Variants in DYNC2LI1 observed in about 807,000 individuals in gnomAD.
DYNC2LI1 encodes dynein cytoplasmic 2 light intermediate chain 1.
A neutral mutation model predicts 51.9 loss-of-function variants in DYNC2LI1; 45 were observed. The ratio of observed to expected loss-of-function variants is 0.87; its 90% CI spans 0.68 to 1.11. The LOEUF is 1.11. DYNC2LI1 is among the 50% of genes most tolerant of loss of function. The pLI is 0.00. For synonymous variants in DYNC2LI1, 130 were observed against 137.8 expected, an observed-to-expected ratio of 0.94 and a Z score of 0.40; for missense variants, 490 against 417.4, an observed-to-expected ratio of 1.17 and a Z score of -1.51.
At chr2:43,810,772 A>C (rs1281756856), downstream of DYNC2LI1, among the ~76,000 whole-genome samples, 4 of 152,332 alleles carry the variant, frequency 2.6e-5, no homozygotes, top group East Asian at 5.8e-4. Flanking sequence ...AGTCTTTAGC[A>C]CACGTTTCTT....
chr2:43,792,238 TA>T (rs1266588234), intron 5 of DYNC2LI1, among the ~76,000 whole-genome samples: 3 of 152,112 alleles, frequency 2.0e-5, no homozygotes, highest in Non-Finnish European at 1.5e-5. Context: ...ATTTGATAAT[TA>T]ATGTGTAAAA....
chr2:43,796,036 T>C, intron 7 of DYNC2LI1, 78 bp downstream of exon 7: 1 of 998,606 alleles, frequency 1.0e-6, no homozygotes, highest in Non-Finnish European at 1.5e-6. Context: ...AAAAATAATA[T>C]CAAAATAAGA....
the DYNC2LI1 span, among the ~76,000 whole-genome samples, chr2:43,819,656 A>G: frequency 1.3e-5 from 2 of 152,172 alleles, no homozygotes; most frequent in East Asian, 1.9e-4. Flanking sequence ...TTCTCTTGGT[A>G]TAATGGTTTA....
intron 5 of DYNC2LI1, among the ~76,000 whole-genome samples, chr2:43,791,271 T>A (rs896247580): frequency 1.3e-5 from 2 of 152,052 alleles, no homozygotes; most frequent in Non-Finnish European, 2.9e-5. Flanking sequence ...CCAGTTACAG[T>A]GGCCAGAGGC....
intron 8 of DYNC2LI1, among the ~76,000 whole-genome samples, chr2:43,798,056 G>C (rs955701099): frequency 1.3e-5 from 2 of 151,954 alleles, no homozygotes; most frequent in African/African-American, 4.8e-5. Flanking sequence ...GAGCTCAGGA[G>C]GTCAAGGCTG....
the DYNC2LI1 span, among the ~76,000 whole-genome samples, chr2:43,817,123 C>T: frequency 6.6e-6 from 1 of 152,116 alleles, no homozygotes; most frequent in Non-Finnish European, 1.5e-5. Flanking sequence ...CATATGAAGC[C>T]TTGGGTTGTT....
chr2:43,787,066 G>A, intron 3 of DYNC2LI1, 115 bp from the exon 4 acceptor site: 1 of 722,250 alleles, frequency 1.4e-6, no homozygotes. Flanking sequence ...ATTATACAAG[G>A]TAACTTCTCT....
At chr2:43,824,938 A>T in the DYNC2LI1 span, 4 of 1,614,116 alleles carry the variant, frequency 2.5e-6, no homozygotes, top group Non-Finnish European at 3.4e-6. Context: ...AACCGCAGTC[A>T]TTGAAGAAAT....
In DYNC2LI1 at chr2:43,794,661, A is replaced by T; in HGVS notation, c.507+18A>T. ...ATCATCCTGTGAGTTGCTGTTTGGG[A>T]TTATTACTGGAATCCTTAGTCCCAT... On this transcript the variant is annotated intron_variant, in intron 6 of 12. Transcript: ENST00000260605. The T allele has an allele frequency of 6.2e-7, 1 of 1,614,070 alleles. No individual in the cohort carries two copies. The highest frequency in any genetic ancestry group is 1.1e-5 in the South Asian group (1 of 91,074).
chr2:43,775,915 G>T (rs1672997044), intron 1 of DYNC2LI1: 1 of 169,250 alleles, frequency 5.9e-6, no homozygotes, highest in African/African-American at 2.8e-5. Context: ...ATGTTGGCCA[G>T]GCTGGTCTTG....
intron 4 of DYNC2LI1, among the ~76,000 whole-genome samples, chr2:43,789,323 A>G (rs932007091): frequency 1.3e-5 from 2 of 152,244 alleles, no homozygotes; most frequent in Admixed American, 1.3e-4. Flanking sequence ...ATTTTTATCT[A>G]AAATCTGCAT....
chr2:43,812,313 G>A (rs1027425009), downstream of DYNC2LI1, among the ~76,000 whole-genome samples: 1 of 116,324 alleles, frequency 8.6e-6, no homozygotes, highest in African/African-American at 3.4e-5. Context: ...AAGTTTACTT[G>A]TAATTCTTTT....
Position 43,804,476 on chromosome 2 carries a change from G to C in DYNC2LI1, c.803-166G>C, listed in dbSNP as rs368994602. Among the ~76,000 whole-genome samples the C allele has an allele frequency of 2.0e-5, 3 of 152,310 alleles. No individual in the cohort carries two copies. In the East Asian group the frequency reaches 5.8e-4, roughly 29 times the overall value. On this transcript the variant is annotated intron_variant, in intron 10 of 12. Coordinates refer to ENST00000260605, the MANE Select transcript of DYNC2LI1 (RefSeq NM_016008.4). ...TCTTTCAGTACTAGAATCTGTCCCA[G>C]TGACCTTGCTATGCTGGGTAGGGTA...
the DYNC2LI1 span, chr2:43,822,693 C>A: frequency 1.3e-6 from 2 of 1,572,366 alleles, no homozygotes; most frequent in Non-Finnish European, 1.7e-6. Flanking sequence ...AAGTGTAGAT[C>A]CTCCAGAGCA....
At chr2:43,811,031 T>G (rs2104733245), downstream of DYNC2LI1, among the ~76,000 whole-genome samples, 1 of 152,362 alleles carries the variant, frequency 6.6e-6, no homozygotes, top group Middle Eastern at 3.4e-3. Flanking sequence ...TCACGTGTGA[T>G]GTCAGTTTTC....
chr2:43,791,183 T>C (rs148265983), intron 5 of DYNC2LI1, among the ~76,000 whole-genome samples: 229 of 152,288 alleles, frequency 1.5e-3, no homozygotes, highest in African/African-American at 5.2e-3. Flanking sequence ...ATCATACCAC[T>C]GTACTCCAGC....
At position 43,776,713 on chromosome 2, in the gene DYNC2LI1, C is replaced by T. The variant is rs924373577; in HGVS notation, c.9-69C>T. ...TAAATTATACTGAAATAAAATTTCTCTGAGCTTGAAATAAATATTTGAAAG... is the reference window on the plus strand; with the variant it reads ...TAAATTATACTGAAATAAAATTTCTTTGAGCTTGAAATAAATATTTGAAAG... On this transcript the variant is annotated intron_variant, in intron 1 of 12. Coordinates refer to ENST00000260605, the MANE Select transcript of DYNC2LI1 (RefSeq NM_016008.4). 29 of 723,856 alleles carry T rather than the reference C, an allele frequency of 4.0e-5. No individual in the cohort carries two copies. In the African/African-American group the frequency reaches 4.8e-4, roughly 12 times the overall value. The allele number at this position is 723,856 out of a possible 1,614,324, so 44.8% of individuals were successfully genotyped here.
chr2:43,810,257 C>G (rs116520905), downstream of DYNC2LI1: 33,723 of 668,296 alleles, frequency 0.05, 944 homozygotes, highest in Non-Finnish European at 0.057. Context: ...GATGCACATT[C>G]CCAGGTCCCC....
At chr2:43,789,184 C>T (rs541544856) in intron 4 of DYNC2LI1, among the ~76,000 whole-genome samples, 35 of 152,270 alleles carry the variant, frequency 2.3e-4, no homozygotes, top group African/African-American at 6.5e-4. Flanking sequence ...TCATGCTTTA[C>T]GTGTGTCTAA....
Sources: gnomAD v4.1 joint callset for allele counts (sites outside exome capture counted in the v4.1 genomes callset) on GRCh38, gnomAD v4.1.1 for gene constraint, MANE v1.5 for transcripts, NCBI Gene and HGNC (gene_info 2026-07-23, HGNC 2026-07-21) for gene names.